CAPS2: variants seen among roughly 807,000 people sequenced by gnomAD.
CAPS2 encodes calcyphosine 2, also known as calcyphosin-2.
Under a neutral mutation model 86.5 loss-of-function variants are expected in CAPS2, and 98 were observed. The observed-to-expected ratio is 1.13, with a 90% CI of 0.96 to 1.34. The LOEUF is 1.34. Among genes scored for constraint, CAPS2 ranks in the 40% most tolerant of loss-of-function variants. The pLI is 0.00. For synonymous variants in CAPS2, 210 were observed against 225.1 expected, an observed-to-expected ratio of 0.93 and a Z score of 0.60; for missense variants, 729 against 686.8, an observed-to-expected ratio of 1.06 and a Z score of -0.69.
At chr12:75,303,253 T>A (rs137884957) in intron 8 of CAPS2, among the ~76,000 whole-genome samples, 7 of 152,158 alleles carry the variant, frequency 4.6e-5, no homozygotes, top group Non-Finnish European at 1.0e-4. Context: ...ACAAACACAT[T>A]TCACTATGTA....
intron 8 of CAPS2, among the ~76,000 whole-genome samples, chr12:75,300,322 C>T (rs906383602): frequency 4.0e-5 from 6 of 151,768 alleles, no homozygotes; most frequent in Admixed American, 6.6e-5. Flanking sequence ...TTAGGGAGGC[C>T]GAGGCGGGTG....
chr12:75,326,612 T>C, upstream of CAPS2: 1 of 679,774 alleles, frequency 1.5e-6, no homozygotes. Flanking sequence ...CAAGTCTACC[T>C]GGAAAGAAAT....
chr12:75,293,273 T>C (rs749046603), exon 12 of CAPS2: 2 of 1,607,976 alleles, frequency 1.2e-6, no homozygotes, highest in East Asian at 2.2e-5. Flanking sequence ...AGCTATTTGA[T>C]CAATATTTGT....
intron 5 of CAPS2, among the ~76,000 whole-genome samples, chr12:75,321,095 A>G (rs1372376691): frequency 6.6e-6 from 1 of 152,074 alleles, no homozygotes; most frequent in Non-Finnish European, 1.5e-5. Flanking sequence ...AACAAAATAC[A>G]TAATACTGTC....
Position 75,277,758 on chromosome 12 carries a change from AT to A in CAPS2, c.*1131del, listed in dbSNP as rs929440230. On this transcript the variant is annotated 3_prime_UTR_variant, in exon 17 of 17. Transcript: ENST00000393284. ...TAAATATTTTCATTTTGAATCACTTATTTTTTCTAATTTATGTTATATTAAC... is the reference window on the plus strand; with the variant it reads ...TAAATATTTTCATTTTGAATCACTTATTTTTCTAATTTATGTTATATTAAC... 6.8e-5 allele frequency: 55 copies of A among 811,974 alleles called. No homozygotes were observed. In the Admixed American group the frequency reaches 9.4e-4, roughly 14 times the overall value. 50.3% of individuals were successfully genotyped at this position (811,974 alleles called of 1,614,324 possible).
At chr12:75,310,289 A>AT (rs1378427033) in intron 7 of CAPS2, among the ~76,000 whole-genome samples, 2 of 152,220 alleles carry the variant, frequency 1.3e-5, no homozygotes, top group Non-Finnish European at 2.9e-5. Context: ...TTTATGGTCA[A>AT]TTTATTTATT....
At chr12:75,334,349 C>T (rs2041555627), upstream of CAPS2, 2 of 356,766 alleles carry the variant, frequency 5.6e-6, no homozygotes, top group African/African-American at 2.2e-5. Flanking sequence ...TTGCACTCGA[C>T]TGGCCCATTG....
At chr12:75,371,873 G>A (rs180810917) in intron 1 of CAPS2, among the ~76,000 whole-genome samples, 2 of 152,292 alleles carry the variant, frequency 1.3e-5, no homozygotes, top group East Asian at 3.9e-4. Flanking sequence ...TTGTATTTAT[G>A]ACTACCTGTT....
At chr12:75,324,258 C>T (rs916412056) in intron 2 of CAPS2, among the ~76,000 whole-genome samples, 1 of 152,134 alleles carries the variant, frequency 6.6e-6, no homozygotes, top group African/African-American at 2.4e-5. Context: ...GCTAGAGATA[C>T]AGAGTTCAGC....
chr12:75,384,719 A>T (rs2045193337), intron 1 of CAPS2, among the ~76,000 whole-genome samples: 1 of 152,334 alleles, frequency 6.6e-6, no homozygotes, highest in Non-Finnish European at 1.5e-5. Flanking sequence ...ACTACAGACC[A>T]ACGTCTCTCA....
exon 17 of CAPS2, chr12:75,278,798 G>A: frequency 7.4e-7 from 1 of 1,353,594 alleles, no homozygotes; most frequent in Middle Eastern, 2.7e-4. Flanking sequence ...GGAAGTCCTA[G>A]GAAAATATAT....
rs1440790277 is a variant in CAPS2, at chr12:75,316,300, CT to C, written c.591+11del. 1.3e-6 allele frequency: 2 copies of C among 1,549,672 alleles called. No homozygotes were observed. The highest frequency in any genetic ancestry group is 2.0e-5 in the Admixed American group (1 of 50,836). On this transcript the variant is annotated intron_variant, in intron 6 of 16. Coordinates refer to ENST00000393284, the Ensembl canonical transcript of CAPS2. ...ATGGCTCACCAAATAAGTAAAAATG[CT>C]GACAACTTACTGCATCCAATTTTCT...
chr12:75,334,652 G>C (rs2041584978), upstream of CAPS2: 1 of 1,554,702 alleles, frequency 6.4e-7, no homozygotes, highest in Non-Finnish European at 8.7e-7. Context: ...TGGTGCGGGG[G>C]CGTGGGGAAA....
At chr12:75,290,717 A>G (rs762441234) in intron 13 of CAPS2, among the ~76,000 whole-genome samples, 1 of 151,996 alleles carries the variant, frequency 6.6e-6, no homozygotes, top group Non-Finnish European at 1.5e-5. Context: ...GAAGTTCCAG[A>G]CCAGCCTGGA....
intron 1 of CAPS2, among the ~76,000 whole-genome samples, chr12:75,345,761 C>T (rs2042401506): frequency 6.6e-6 from 1 of 152,130 alleles, no homozygotes; most frequent in Non-Finnish European, 1.5e-5. Context: ...GATATCAAGG[C>T]TGAGTCATAG....
At chr12:75,336,960 C>T (rs1216342894) in intron 1 of CAPS2, among the ~76,000 whole-genome samples, 1 of 151,544 alleles carries the variant, frequency 6.6e-6, no homozygotes, top group African/African-American at 2.4e-5. Context: ...ATAAAGTGTG[C>T]AAAATCTCCC....
At chr12:75,294,101 CTTATCT>C (rs1351057947) in intron 11 of CAPS2, among the ~76,000 whole-genome samples, 1 of 151,806 alleles carries the variant, frequency 6.6e-6, no homozygotes, top group African/African-American at 2.4e-5. Flanking sequence ...CCGGCTGGTT[CTTATCT>C]TTATTTTTTT....
At chr12:75,293,934 A>G (rs930318096) in intron 11 of CAPS2, among the ~76,000 whole-genome samples, 1 of 152,024 alleles carries the variant, frequency 6.6e-6, no homozygotes, top group Non-Finnish European at 1.5e-5. Flanking sequence ...TACCAAATAT[A>G]ATTTTTATTT....
intron 1 of CAPS2, among the ~76,000 whole-genome samples, chr12:75,368,082 G>A (rs2044109192): frequency 6.6e-6 from 1 of 151,742 alleles, no homozygotes; most frequent in Non-Finnish European, 1.5e-5. Context: ...ATTGTAAACT[G>A]TATCAAACGG....
Sources: allele counts gnomAD v4.1 joint callset (sites outside exome capture counted in the v4.1 genomes callset), GRCh38; gene constraint gnomAD v4.1.1; transcripts MANE v1.5; gene names NCBI Gene and HGNC (gene_info 2026-07-23, HGNC 2026-07-21).